The following ACAT2 variants were observed in gnomAD, a reference collection of about 807,000 sequenced individuals.
ACAT2 encodes acetyl-CoA acetyltransferase 2, also known as acetyl-CoA acetyltransferase, cytosolic.
A neutral mutation model predicts 37.1 loss-of-function variants in ACAT2; 26 were observed. The observed-to-expected ratio is 0.70, with a 90% CI of 0.51 to 0.97. The LOEUF (loss-of-function observed/expected upper bound fraction) is 0.97, where lower values mean the gene tolerates loss of function less well. Ranked by LOEUF, ACAT2 falls within the 50% of genes least tolerant of loss-of-function variation. The pLI, the probability that ACAT2 is intolerant of heterozygous loss-of-function variation, is 0.00. For missense variants in ACAT2, 468 were observed against 489.0 expected (o/e 0.96, Z 0.40); for synonymous variants, 156 against 163.6 (o/e 0.95, Z 0.35).
chr6:159,763,125 C>G, intron 2 of ACAT2, 72 bp downstream of exon 2: 1 of 1,519,298 alleles, frequency 6.6e-7, no homozygotes, highest in African/African-American at 1.4e-5. Context: ...CACACACACA[C>G]TCTCACACAC....
At chr6:159,768,075 A>C (rs1780282275) in intron 3 of ACAT2, among the ~76,000 whole-genome samples, 1 of 152,198 alleles carries the variant, frequency 6.6e-6, no homozygotes, top group African/African-American at 2.4e-5. Context: ...ACTGGCCGCT[A>C]CTCAGAAATC....
At chr6:159,772,982 A>G (rs1236135083) in intron 4 of ACAT2, among the ~76,000 whole-genome samples, 2 of 151,966 alleles carry the variant, frequency 1.3e-5, no homozygotes, top group Non-Finnish European at 2.9e-5. Flanking sequence ...CCTCCTGAGT[A>G]GCTGGGACCA....
chr6:159,776,358 A>T, intron 6 of ACAT2, 86 bp downstream of exon 6: 1 of 1,469,970 alleles, frequency 6.8e-7, no homozygotes. Context: ...TTATATACAA[A>T]AGTACTATTT....
rs1003613173 is a variant in ACAT2 at position 159,778,454 on chromosome 6, T to C, written c.1023+174T>C. 6.0e-6 allele frequency: 4 copies of C among 671,662 alleles called. No homozygotes were observed. In the South Asian group the frequency reaches 7.4e-5, roughly 12 times the overall value. The allele number at this position is 671,662 out of a possible 1,614,324, so 41.6% of individuals were successfully genotyped here. On this transcript the variant is annotated intron_variant, in intron 8 of 8. Coordinates refer to ENST00000367048, the MANE Select transcript of ACAT2 (RefSeq NM_005891.3). ...AAAAAAAAAAAAAAAAAAAAAGACA[T>C]TGGCTTACTTGGCATAAAAGGAACG...
intron 4 of ACAT2, among the ~76,000 whole-genome samples, chr6:159,772,433 T>G (rs7758895): frequency 6.6e-6 from 1 of 152,018 alleles, no homozygotes; most frequent in Non-Finnish European, 1.5e-5. Flanking sequence ...GACTTATGCT[T>G]GTTTTCAACA....
At chr6:159,774,177 C>G (rs1583130672) in intron 4 of ACAT2, among the ~76,000 whole-genome samples, 3 of 152,284 alleles carry the variant, frequency 2.0e-5, no homozygotes, top group Non-Finnish European at 4.4e-5. Flanking sequence ...TTGGCAGAAT[C>G]TTAATCTAAT....
Position 159,775,231 on chromosome 6 carries a change from G to C in ACAT2, c.552G>C (p.Leu184=). ...SREDQDKVAV[L]SQNRTENAQK... ...AAGATCAGGACAAGGTTGCAGTTCT[G>C]TCCCAGAACAGGACAGAGAATGCAC... is the stretch of plus-strand genomic sequence containing the variant. Residue 184 remains leucine (L), a synonymous_variant, in exon 5 of 9, where the codon CTG becomes CTC. Coordinates refer to ENST00000367048, the MANE Select transcript of ACAT2 (RefSeq NM_005891.3). 6.2e-7 allele frequency: 1 copy of C among 1,614,194 alleles called. No homozygotes were observed. The highest frequency in any genetic ancestry group is 2.2e-5 in the East Asian group (1 of 44,880).
In ACAT2 at chr6:159,778,254, A is replaced by C. The variant is rs192201581; in HGVS notation, c.997A>C (p.Lys333Gln). ...TGCAGCTGTCTCTGCTGCAATAGTT[A>C]AAGAACTTGGATTAAACCCAGAGAA... ...AFAAVSAAIV[K>Q]ELGLNPEKVN... Residue 333 changes from lysine to glutamine, a missense_variant, in exon 8 of 9, where the codon AAA becomes CAA. Transcript: ENST00000367048. 6 of 1,611,068 alleles carry C rather than the reference A, an allele frequency of 3.7e-6. No homozygotes were observed. In the South Asian group the frequency reaches 5.5e-5, roughly 15 times the overall value.
intron 2 of ACAT2, among the ~76,000 whole-genome samples, chr6:159,763,784 C>A (rs1178830706): frequency 2.7e-5 from 4 of 149,836 alleles, no homozygotes; most frequent in Non-Finnish European, 5.9e-5. Flanking sequence ...GGACTACAGG[C>A]GGCCCACTGC....
intron 3 of ACAT2, 151 bp downstream of exon 3, chr6:159,767,337 G>C: frequency 1.2e-6 from 1 of 833,198 alleles, no homozygotes; most frequent in Non-Finnish European, 1.8e-6. Flanking sequence ...ACTTGAATGT[G>C]AAGTATTCTT....
At chr6:159,762,719 T>A (rs781317045) in intron 1 of ACAT2, 200 bp from the exon 2 acceptor site, 7 of 1,534,184 alleles carry the variant, frequency 4.6e-6, no homozygotes, top group Non-Finnish European at 1.7e-6. Flanking sequence ...AGGTCGCCTG[T>A]CCAGCCCTCG....
intron 5 of ACAT2, chr6:159,775,830 C>T: frequency 3.8e-6 from 1 of 263,126 alleles, no homozygotes. Flanking sequence ...ACTGCCTGAT[C>T]CACTCACTCG....
In ACAT2 at chr6:159,778,239, T is replaced by G. The variant is rs1223859482; in HGVS notation, c.982T>G (p.Ser328Ala). The G allele has an allele frequency of 6.2e-7, 1 of 1,611,836 alleles. No homozygotes were observed. The highest frequency in any genetic ancestry group is 1.3e-5 in the African/African-American group (1 of 74,870). Residue 328 changes from serine to alanine, a missense_variant, in exon 8 of 9, where the codon TCT (serine) becomes GCT (alanine). Coordinates refer to ENST00000367048, the MANE Select transcript of ACAT2 (RefSeq NM_005891.3). ...AATCAATGAAGCCTTTGCAGCTGTC[T>G]CTGCTGCAATAGTTAAAGAACTTGG... is the stretch of plus-strand genomic sequence containing the variant. Reference protein sequence around the residue: ...FEINEAFAAVSAAIVKELGLN... With the variant: ...FEINEAFAAVAAAIVKELGLN...
intron 5 of ACAT2, chr6:159,775,921 C>T: frequency 2.3e-6 from 1 of 426,156 alleles, no homozygotes; most frequent in Non-Finnish European, 4.2e-6. Flanking sequence ...CTCAGGAAGG[C>T]CTATGGATTT....
At chr6:159,767,227 C>T (rs369253045) in intron 3 of ACAT2, 41 bp downstream of exon 3, 370 of 1,598,460 alleles carry the variant, frequency 2.3e-4, no homozygotes, top group Non-Finnish European at 2.5e-4. Flanking sequence ...TGACCTCACA[C>T]TGAGAAACTC....
intron 4 of ACAT2, among the ~76,000 whole-genome samples, chr6:159,771,840 T>C (rs1227698996): frequency 6.6e-6 from 1 of 152,038 alleles, no homozygotes. Context: ...GCCTGGGCAA[T>C]GCTATCATAG....
chr6:159,763,988 C>T (rs1418120749), intron 2 of ACAT2, among the ~76,000 whole-genome samples: 3 of 150,566 alleles, frequency 2.0e-5, no homozygotes, highest in Non-Finnish European at 4.4e-5. Context: ...GTATTCCCAG[C>T]TACTTGGGAG....
rs752114979 is a variant in ACAT2 at position 159,767,147 on chromosome 6, C to T, written c.333C>T (p.Ser111=). Residue 111 remains serine (S), a synonymous_variant, in exon 3 of 9, where the codon TCC becomes TCT. Coordinates refer to ENST00000367048, the MANE Select transcript of ACAT2 (RefSeq NM_005891.3). The part of the protein sequence containing the change: ...LAVQSIGIGD[S]SIVVAGGMEN... ...TCCAGTCAATAGGGATAGGAGACTC[C>T]AGCATTGTGGTTGCAGGAGGCATGG... 9 of 1,614,062 alleles carry T rather than the reference C, an allele frequency of 5.6e-6. No homozygotes were observed. Among genetic ancestry groups the T allele is most frequent in the African/African-American group, 2.7e-5 (2 of 74,916 alleles).
intron 1 of ACAT2, 121 bp downstream of exon 1, chr6:159,762,263 G>A (rs1780155316): frequency 4.5e-6 from 6 of 1,343,144 alleles, no homozygotes; most frequent in African/African-American, 1.5e-5. Flanking sequence ...GCCAAGCCGC[G>A]AGGAGCCGCG....
Sources: gnomAD v4.1 joint callset for allele counts (sites outside exome capture counted in the v4.1 genomes callset) on GRCh38, gnomAD v4.1.1 for gene constraint, MANE v1.5 for transcripts, NCBI Gene and HGNC (gene_info 2026-07-23, HGNC 2026-07-21) for gene names.